UGGT2: variants seen among roughly 807,000 people sequenced by gnomAD.
UGGT2 encodes UDP-glucose glycoprotein glucosyltransferase 2.
In UGGT2, 180 loss-of-function variants were observed where a neutral mutation model predicts 192.1. The observed-to-expected ratio is 0.94, with a 90% CI of 0.83 to 1.06. UGGT2 has a LOEUF of 1.06. Ranked by LOEUF, UGGT2 falls within the 50% of genes least tolerant of loss-of-function variation. UGGT2 has a pLI of 0.00. For synonymous variants in UGGT2, 580 were observed against 591.0 expected (o/e 0.98, Z 0.27); for missense variants, 1,849 against 1,795.7 (o/e 1.03, Z -0.54).
At chr13:95,970,455 T>G (rs2050737232) in intron 11 of UGGT2, among the ~76,000 whole-genome samples, 193 bp from the exon 12 acceptor site, 1 of 152,102 alleles carries the variant, frequency 6.6e-6, no homozygotes, top group Non-Finnish European at 1.5e-5. Flanking sequence ...ACTTACATAA[T>G]TTTAGTGGTA....
intron 36 of UGGT2, among the ~76,000 whole-genome samples, chr13:95,851,611 G>A (rs961599056): frequency 2.0e-5 from 3 of 152,192 alleles, no homozygotes; most frequent in East Asian, 3.9e-4. Context: ...GAAAACATCC[G>A]TGCTGCAAAG....
intron 30 of UGGT2, among the ~76,000 whole-genome samples, chr13:95,866,032 C>CGT (rs140750488): frequency 0.043 from 6,429 of 150,070 alleles, 142 homozygotes; most frequent in African/African-American, 0.051. Context: ...TTCACACTAG[C>CGT]GTGTGTGTGT....
Position 95,887,976 on chromosome 13 carries a change from T to G in UGGT2, c.2959-5A>C. The G allele has an allele frequency of 1.9e-6, 3 of 1,580,180 alleles. No homozygotes were observed. The highest frequency in any genetic ancestry group is 8.6e-7 in the Non-Finnish European group (1 of 1,157,690). ...GTTGATAATCTTGCCAAGTACCTAT[T>G]GGAAAGAAATTCCCATGTTTGATAT... On this transcript the variant is annotated splice_polypyrimidine_tract_variant and splice_region_variant and intron_variant, in intron 25 of 38. Coordinates refer to ENST00000376747, the MANE Select transcript of UGGT2 (RefSeq NM_020121.4).
At chr13:95,960,600 A>T (rs1478612614) in intron 12 of UGGT2, among the ~76,000 whole-genome samples, 2 of 151,456 alleles carry the variant, frequency 1.3e-5, no homozygotes, top group South Asian at 2.1e-4. Flanking sequence ...CCAGAAGATT[A>T]AAAAAAAAGT....
At chr13:95,893,476 T>C (rs1253326055) in intron 24 of UGGT2, among the ~76,000 whole-genome samples, 2 of 152,154 alleles carry the variant, frequency 1.3e-5, no homozygotes, top group Admixed American at 6.5e-5. Context: ...ATTCATAAAT[T>C]CAAATGTAAA....
At chr13:95,863,037 A>AT (rs1358612150) in intron 31 of UGGT2, among the ~76,000 whole-genome samples, 1 of 151,894 alleles carries the variant, frequency 6.6e-6, no homozygotes, top group Non-Finnish European at 1.5e-5. Context: ...TAATTTTTAA[A>AT]TTTTTTGTAG....
Position 95,989,821 on chromosome 13 carries a change from T to C in UGGT2, c.931+152A>G, listed in dbSNP as rs142426277. 1.6e-4 allele frequency: 73 copies of C among 465,748 alleles called. 1 individual carries two copies. Among genetic ancestry groups the C allele is most frequent in the African/African-American group, 1.3e-3 (66 of 50,306 alleles). The allele number at this position is 465,748 out of a possible 1,614,324, so 28.9% of individuals were successfully genotyped here. A position where few individuals can be genotyped will look rare whatever the true frequency, so the allele number is the denominator to read the frequency against. ...CTTGCTTGAGGGATGATCTGTTAAA[T>C]AGGTATTGCCACAAAAAATCATAAT... On this transcript the variant is annotated intron_variant, in intron 8 of 38. Transcript: ENST00000376747.
chr13:95,849,132 C>T (rs1261424745), intron 36 of UGGT2, among the ~76,000 whole-genome samples: 1 of 151,944 alleles, frequency 6.6e-6, no homozygotes, highest in South Asian at 2.1e-4. Context: ...CTTAAATCTA[C>T]ATCAGGCAAT....
intron 30 of UGGT2, among the ~76,000 whole-genome samples, chr13:95,865,852 A>C (rs1890607263): frequency 6.6e-6 from 1 of 152,200 alleles, no homozygotes; most frequent in African/African-American, 2.4e-5. Context: ...ACAAATACTC[A>C]TAAAGTGCTT....
chr13:95,820,961 G>C (rs1885449990), intron 38 of UGGT2, among the ~76,000 whole-genome samples: 1 of 151,904 alleles, frequency 6.6e-6, no homozygotes, highest in Non-Finnish European at 1.5e-5. Flanking sequence ...TTTAGTCCAG[G>C]GGATATATAT....
chr13:95,891,839 G>A (rs2047809797), intron 24 of UGGT2, among the ~76,000 whole-genome samples: 1 of 152,070 alleles, frequency 6.6e-6, no homozygotes, highest in Non-Finnish European at 1.5e-5. Context: ...GGGATTAATT[G>A]CTCAGCAATT....
rs537922441 is a variant in UGGT2, at chr13:95,965,757, A to G, written c.1335+4355T>C. Among the ~76,000 whole-genome samples the G allele has an allele frequency of 3.3e-4, 51 of 152,282 alleles. No individual in the cohort carries two copies. The East Asian group carries it at 9.5e-3, about 28-fold the overall frequency. Reference sequence around the variant, plus strand: ...TAAAAGTATAATAATAATGAAAAAAATAAAGAAATTATACAGATGGCAAAC... The same window carrying G: ...TAAAAGTATAATAATAATGAAAAAAGTAAAGAAATTATACAGATGGCAAAC... On this transcript the variant is annotated intron_variant, in intron 12 of 38. Coordinates refer to ENST00000376747, the MANE Select transcript of UGGT2 (RefSeq NM_020121.4).
intron 38 of UGGT2, among the ~76,000 whole-genome samples, chr13:95,803,438 T>TTAC (rs1173371997): frequency 6.6e-6 from 1 of 152,026 alleles, no homozygotes; most frequent in Non-Finnish European, 1.5e-5. Context: ...TTTTGTATGT[T>TTAC]TAGTAGAGAC....
intron 25 of UGGT2, 44 bp downstream of exon 25, chr13:95,890,818 G>C (rs1189374160): frequency 6.8e-7 from 1 of 1,475,152 alleles, no homozygotes; most frequent in East Asian, 2.4e-5. Context: ...AAAAAATTAT[G>C]AATTTAAAAA....
At chr13:95,937,112 G>A in intron 16 of UGGT2, 24 bp from the exon 17 acceptor site, 1 of 1,565,946 alleles carries the variant, frequency 6.4e-7, no homozygotes, top group Non-Finnish European at 8.6e-7. Context: ...AAATATCAGA[G>A]TGTTAAACAA....
At chr13:95,892,090 A>G (rs2047818068) in intron 24 of UGGT2, among the ~76,000 whole-genome samples, 1 of 152,124 alleles carries the variant, frequency 6.6e-6, no homozygotes, top group South Asian at 2.1e-4. Flanking sequence ...AACACTTTAC[A>G]AATTACTACC....
rs2052818684 is a variant in UGGT2 at position 96,031,066 on chromosome 13, T to A, written c.241+823A>T. ...ATGGACCTTGCGTATTAAGGATCTG[T>A]CAAGGAAGGTTCATCAACAGATATA... On this transcript the variant is annotated intron_variant, in intron 2 of 38. Coordinates refer to ENST00000376747, the MANE Select transcript of UGGT2 (RefSeq NM_020121.4). Among the ~76,000 whole-genome samples, 3 of 152,124 alleles carry A rather than the reference T, an allele frequency of 2.0e-5. No homozygotes were observed. In the South Asian group the frequency reaches 6.2e-4, roughly 32 times the overall value.
chr13:95,928,739 C>T (rs2049133947), intron 17 of UGGT2, among the ~76,000 whole-genome samples: 1 of 152,120 alleles, frequency 6.6e-6, no homozygotes, highest in Admixed American at 6.5e-5. Flanking sequence ...GGGCTCCTCA[C>T]ATCCCAGATG....
At chr13:95,851,436 G>A (rs1054894478) in intron 36 of UGGT2, among the ~76,000 whole-genome samples, 1 of 152,204 alleles carries the variant, frequency 6.6e-6, no homozygotes, top group African/African-American at 2.4e-5. Flanking sequence ...TGAGAAGTGG[G>A]TCAAGGCAGA....
Sources: gnomAD v4.1 joint callset for allele counts (sites outside exome capture counted in the v4.1 genomes callset) on GRCh38, gnomAD v4.1.1 for gene constraint, MANE v1.5 for transcripts, NCBI Gene and HGNC (gene_info 2026-07-23, HGNC 2026-07-21) for gene names.